Variants in EYS observed in about 807,000 individuals in gnomAD.
EYS encodes the protein EGF-like photoreceptor maintenance factor, also known as protein eyes shut homolog.
A neutral mutation model predicts 282.1 loss-of-function variants in EYS; 250 were observed. The ratio of observed to expected loss-of-function variants is 0.89; its 90% CI spans 0.80 to 0.98. EYS has a LOEUF of 0.98. EYS is among the 50% of genes least tolerant of loss of function. The pLI is 0.00. For synonymous variants in EYS, 1,355 were observed against 1,282.9 expected (o/e 1.06, Z -1.20); for missense variants, 4,016 against 3,709.0 (o/e 1.08, Z -2.15).
chr6:65,513,288 G>C (rs1766972401), intron 2 of EYS, among the ~76,000 whole-genome samples: 1 of 152,154 alleles, frequency 6.6e-6, no homozygotes, highest in Middle Eastern at 3.4e-3. Context: ...TGAAATTGTG[G>C]CAATAATCAA....
chr6:64,581,699 C>T (rs1341124607), intron 26 of EYS, among the ~76,000 whole-genome samples: 2 of 152,114 alleles, frequency 1.3e-5, no homozygotes, highest in Non-Finnish European at 2.9e-5. Flanking sequence ...GTATAATGCC[C>T]TTACGTTGTA....
rs140197073 is a variant in EYS at position 65,237,164 on chromosome 6, C to T, written c.2023+58699G>A. Among the ~76,000 whole-genome samples, 21 of 152,158 alleles carry T rather than the reference C, an allele frequency of 1.4e-4. No homozygotes were observed. In the East Asian group the frequency reaches 2.7e-3, roughly 20 times the overall value. ...TTCCAGGAGTAAGCATATGCCTTTA[C>T]GCGAATAAACGAAAGCCAAATAAAT... On this transcript the variant is annotated intron_variant, in intron 12 of 42. Coordinates refer to ENST00000503581, the MANE Select transcript of EYS (RefSeq NM_001142800.2).
intron 12 of EYS, among the ~76,000 whole-genome samples, chr6:65,148,506 C>G (rs908490621): frequency 6.6e-6 from 1 of 152,150 alleles, no homozygotes; most frequent in Non-Finnish European, 1.5e-5. Context: ...TGTGGCTTTT[C>G]AGGGTACCGT....
intron 19 of EYS, among the ~76,000 whole-genome samples, chr6:64,867,396 A>G (rs2150051919): frequency 6.6e-6 from 1 of 151,814 alleles, no homozygotes; most frequent in South Asian, 2.1e-4. Flanking sequence ...GAATGTTGAG[A>G]TATCAAATGA....
chr6:65,536,207 T>A (rs561932803), intron 2 of EYS, among the ~76,000 whole-genome samples: 18 of 152,132 alleles, frequency 1.2e-4, no homozygotes, highest in Middle Eastern at 3.4e-3. Flanking sequence ...GATACCTTGT[T>A]AAAGACTATA....
chr6:65,136,191 A>G (rs1321929), intron 12 of EYS, among the ~76,000 whole-genome samples: 58,026 of 151,826 alleles, frequency 0.38, 12,446 homozygotes, highest in African/African-American at 0.58. Context: ...AGTTTGATCC[A>G]TAGCATATTC....
intron 26 of EYS, among the ~76,000 whole-genome samples, chr6:64,555,176 A>G (rs751254282): frequency 6.6e-6 from 1 of 151,928 alleles, no homozygotes; most frequent in Non-Finnish European, 1.5e-5. Flanking sequence ...TATCTAGTAT[A>G]AACACACACC....
intron 2 of EYS, among the ~76,000 whole-genome samples, chr6:65,539,919 A>T (rs1333496385): frequency 1.3e-5 from 2 of 152,190 alleles, no homozygotes; most frequent in East Asian, 1.9e-4. Flanking sequence ...CCATGAAAAG[A>T]AAGGGAGAAA....
intron 31 of EYS, among the ~76,000 whole-genome samples, chr6:64,124,052 G>A (rs924035893): frequency 6.6e-6 from 1 of 152,156 alleles, no homozygotes; most frequent in Non-Finnish European, 1.5e-5. Context: ...TAAAAATGAT[G>A]TATAAAATAG....
intron 2 of EYS, among the ~76,000 whole-genome samples, chr6:65,530,828 C>CTTTTTGTTCCT: frequency 6.6e-6 from 1 of 152,078 alleles, no homozygotes; most frequent in Non-Finnish European, 1.5e-5. Flanking sequence ...GCCATTCGGT[C>CTTTTTGTTCCT]TGCATACTTT....
At chr6:64,645,414 T>A (rs1391937395) in intron 22 of EYS, among the ~76,000 whole-genome samples, 1 of 152,348 alleles carries the variant, frequency 6.6e-6, no homozygotes, top group Non-Finnish European at 1.5e-5. Context: ...TGAAATTGAC[T>A]TCATGGGAAA....
At position 65,252,034 on chromosome 6, in the gene EYS, G is replaced by C. The variant is rs745635559; in HGVS notation, c.2023+43829C>G. The stretch of plus-strand genomic sequence containing the variant: ...TCTGTTTGCTACAGTCATTTTTCCA[G>C]GGGGTAGGGGCGACTCCTATTGTTT... On this transcript the variant is annotated intron_variant, in intron 12 of 42. Transcript: ENST00000503581. Among the ~76,000 whole-genome samples the C allele has an allele frequency of 4.6e-4, 70 of 151,954 alleles. 2 individuals carry two copies. Among genetic ancestry groups the C allele is most frequent in the Non-Finnish European group, 1.0e-4 (7 of 67,942 alleles).
At chr6:64,792,442 C>T (rs1349269825) in intron 22 of EYS, among the ~76,000 whole-genome samples, 1 of 151,834 alleles carries the variant, frequency 6.6e-6, no homozygotes, top group Non-Finnish European at 1.5e-5. Flanking sequence ...CATAGGCTTG[C>T]ATTTAAAAAA....
At chr6:64,353,053 C>A (rs1268394327) in intron 29 of EYS, among the ~76,000 whole-genome samples, 1 of 151,368 alleles carries the variant, frequency 6.6e-6, no homozygotes, top group Admixed American at 6.6e-5. Context: ...AAGTGGTTAC[C>A]AGTATAGGGA....
At chr6:65,475,919 T>C (rs1446262251) in intron 5 of EYS, among the ~76,000 whole-genome samples, 4 of 152,128 alleles carry the variant, frequency 2.6e-5, no homozygotes, top group Non-Finnish European at 5.9e-5. Flanking sequence ...ACCGATTACA[T>C]GATTTCAGTA....
intron 7 of EYS, among the ~76,000 whole-genome samples, chr6:65,400,986 AC>A (rs2150362847): frequency 6.6e-6 from 1 of 152,076 alleles, no homozygotes; most frequent in South Asian, 2.1e-4. Flanking sequence ...AATCAGCATC[AC>A]TTACGACTTG....
At chr6:63,900,488 C>T (rs1304865518) in intron 35 of EYS, among the ~76,000 whole-genome samples, 1 of 152,126 alleles carries the variant, frequency 6.6e-6, no homozygotes, top group African/African-American at 2.4e-5. Context: ...AGAACTCAAG[C>T]AGATCTTAAG....
intron 12 of EYS, among the ~76,000 whole-genome samples, chr6:65,198,798 G>T (rs973673706): frequency 1.3e-5 from 2 of 152,110 alleles, no homozygotes; most frequent in Non-Finnish European, 1.5e-5. Flanking sequence ...TTCAGATTAG[G>T]TGGTAACCTT....
chr6:64,964,820 T>A (rs1770039855), intron 14 of EYS, among the ~76,000 whole-genome samples: 1 of 151,976 alleles, frequency 6.6e-6, no homozygotes, highest in African/African-American at 2.4e-5. Context: ...TCACTTGAGG[T>A]CAGGAGTTCA....
Sources: gnomAD v4.1 joint callset for allele counts (sites outside exome capture counted in the v4.1 genomes callset) on GRCh38, gnomAD v4.1.1 for gene constraint, MANE v1.5 for transcripts, NCBI Gene and HGNC (gene_info 2026-07-23, HGNC 2026-07-21) for gene names.